RAD51B: variants seen among roughly 807,000 people sequenced by gnomAD.
RAD51B encodes the protein DNA repair protein RAD51 homolog 2.
A neutral mutation model predicts 42.2 loss-of-function variants in RAD51B; 38 were observed. The observed-to-expected ratio is 0.90, with a 90% CI of 0.70 to 1.18. The LOEUF (loss-of-function observed/expected upper bound fraction) is 1.18. Among genes scored for constraint, RAD51B ranks in the 50% most tolerant of loss-of-function variants. The pLI is 0.00. For synonymous variants in RAD51B, 154 were observed against 145.2 expected, an observed-to-expected ratio of 1.06 and a Z score of -0.43; for missense variants, 373 against 400.7, an observed-to-expected ratio of 0.93 and a Z score of 0.59.
chr14:68,419,751 G>T (rs954710810), intron 9 of RAD51B, among the ~76,000 whole-genome samples: 2 of 152,184 alleles, frequency 1.3e-5, no homozygotes, highest in African/African-American at 4.8e-5. Flanking sequence ...GAGCATGGGA[G>T]CTTTTTGGTT....
Position 68,168,920 on chromosome 14 carries a change from T to C in RAD51B, c.757-122964T>C, listed in dbSNP as rs542016383. On this transcript the variant is annotated intron_variant, in intron 7 of 10. Transcript: ENST00000471583. ...GAACCAGGCTTAGCAAGGCAGGTCA[T>C]GTTCAGCGAGTACATTTCAGACTTC... Among the ~76,000 whole-genome samples, 18 of 152,274 alleles carry C rather than the reference T, an allele frequency of 1.2e-4. 1 individual carries two copies. In the South Asian group the frequency reaches 2.9e-3, roughly 25 times the overall value.
intron 3 of RAD51B, among the ~76,000 whole-genome samples, chr14:67,827,322 T>C (rs1193614969): frequency 6.6e-6 from 1 of 152,236 alleles, no homozygotes. Flanking sequence ...AATTCAACTT[T>C]AATTTCTACT....
chr14:68,482,865 C>T (rs941798699), downstream of RAD51B, among the ~76,000 whole-genome samples: 1 of 152,190 alleles, frequency 6.6e-6, no homozygotes, highest in Admixed American at 6.5e-5. Context: ...TAAGTCAGGA[C>T]ACATTTGGTT....
At position 68,087,850 on chromosome 14, in the gene RAD51B, ATATATATAATTATATAATATATTATT is replaced by A. The variant is rs1292168944; in HGVS notation, c.756+200653_756+200678del. Among the ~76,000 whole-genome samples, 44 of 123,640 alleles carry A rather than the reference ATATATATAATTATATAATATATTATT, an allele frequency of 3.6e-4. No individual in the cohort carries two copies. The East Asian group carries it at 7.9e-3, about 22-fold the overall frequency. The allele number at this position is 123,640 out of a possible 152,430, so 81.1% of individuals were successfully genotyped here. ...TTAAATATTTAATTATATAATTATT[ATATATATAATTATATAATATATTATT>A]TATATAATTATATAATATATTATTT... On this transcript the variant is annotated intron_variant, in intron 7 of 10. Transcript: ENST00000471583.
chr14:68,026,850 G>A (rs1305847353), intron 7 of RAD51B, among the ~76,000 whole-genome samples: 1 of 152,114 alleles, frequency 6.6e-6, no homozygotes, highest in Non-Finnish European at 1.5e-5. Flanking sequence ...TTCACGGTTA[G>A]TATTGATATG....
chr14:68,306,676 T>A (rs1378761275), intron 8 of RAD51B: 1 of 510,406 alleles, frequency 2.0e-6, no homozygotes, highest in Non-Finnish European at 3.9e-6. Flanking sequence ...TACCTAGAGT[T>A]TGTGACAAGT....
chr14:68,673,917 A>G (rs993424770), intron 11 of RAD51B, among the ~76,000 whole-genome samples: 13 of 151,400 alleles, frequency 8.6e-5, no homozygotes, highest in Non-Finnish European at 1.6e-4. Flanking sequence ...GTACACACAC[A>G]TATGTATATG....
At chr14:68,189,487 T>C (rs1238827554) in intron 7 of RAD51B, among the ~76,000 whole-genome samples, 2 of 152,182 alleles carry the variant, frequency 1.3e-5, no homozygotes, top group African/African-American at 4.8e-5. Flanking sequence ...CAATTATAGA[T>C]CAGTGACTAA....
intron 10 of RAD51B, among the ~76,000 whole-genome samples, chr14:68,624,061 C>T (rs1316074497): frequency 6.6e-6 from 1 of 152,182 alleles, no homozygotes; most frequent in African/African-American, 2.4e-5. Flanking sequence ...GGCATTTTCT[C>T]AAGAGAACAA....
At chr14:68,679,798 C>A (rs1893388602) in intron 11 of RAD51B, among the ~76,000 whole-genome samples, 1 of 152,206 alleles carries the variant, frequency 6.6e-6, no homozygotes, top group Admixed American at 6.5e-5. Context: ...TTCAGCTGTA[C>A]CTCAGGCCCC....
intron 7 of RAD51B, among the ~76,000 whole-genome samples, chr14:68,163,653 G>T (rs1232457706): frequency 2.0e-5 from 3 of 152,022 alleles, no homozygotes; most frequent in Non-Finnish European, 4.4e-5. Flanking sequence ...CTATTTACTG[G>T]CTCTGTATCC....
chr14:68,189,446 G>T (rs2079220266), intron 7 of RAD51B, among the ~76,000 whole-genome samples: 1 of 152,106 alleles, frequency 6.6e-6, no homozygotes, highest in Non-Finnish European at 1.5e-5. Context: ...AAAGTTGAGA[G>T]ATTCAACCTA....
At chr14:68,620,349 C>A (rs763726141) in intron 10 of RAD51B, among the ~76,000 whole-genome samples, 7 of 152,134 alleles carry the variant, frequency 4.6e-5, no homozygotes, top group Non-Finnish European at 7.4e-5. Context: ...CTCTGCGTGA[C>A]CCCTTCTGAC....
chr14:68,206,788 CTT>C (rs34642019), intron 7 of RAD51B, among the ~76,000 whole-genome samples: 6,126 of 124,050 alleles, frequency 0.049, 180 homozygotes, highest in African/African-American at 0.13. Flanking sequence ...AACCCCAGTT[CTT>C]TTTTTTTTTT....
chr14:68,160,010 A>G (rs779869139), intron 7 of RAD51B, among the ~76,000 whole-genome samples: 3 of 152,146 alleles, frequency 2.0e-5, no homozygotes, highest in Non-Finnish European at 4.4e-5. Context: ...GGAACTTACA[A>G]TCAAACGGCA....
intron 8 of RAD51B, among the ~76,000 whole-genome samples, chr14:68,409,560 A>G (rs1381638345): frequency 6.6e-6 from 1 of 152,240 alleles, no homozygotes; most frequent in East Asian, 1.9e-4. Flanking sequence ...TAAAAGGAGA[A>G]GCAGAAGAGG....
Position 68,342,950 on chromosome 14 carries a change from A to G in RAD51B, c.853+50970A>G, listed in dbSNP as rs192237687. 8.7e-5 allele frequency among the ~76,000 whole-genome samples: 13 copies of G among 149,514 alleles called. No individual in the cohort carries two copies. The East Asian group carries it at 2.5e-3, about 29-fold the overall frequency. On this transcript the variant is annotated intron_variant, in intron 8 of 10. Transcript: ENST00000471583. ...GGAGTTACCTGCTCCTTATCTTTAA[A>G]GTATATGTAGCCCTTGGTCTCCATT... is the stretch of plus-strand genomic sequence containing the variant.
chr14:68,225,560 A>G (rs892432651), intron 7 of RAD51B, among the ~76,000 whole-genome samples: 6 of 152,208 alleles, frequency 3.9e-5, no homozygotes, highest in Non-Finnish European at 7.3e-5. Flanking sequence ...GCTGGTCCGT[A>G]TTTAGAACCA....
At chr14:68,563,751 G>A (rs959847696) in intron 10 of RAD51B, 1 of 985,310 alleles carries the variant, frequency 1.0e-6, no homozygotes, top group South Asian at 4.7e-5. Flanking sequence ...GTGGGGAGAG[G>A]ACTGTATAAA....
Sources: allele counts gnomAD v4.1 joint callset (sites outside exome capture counted in the v4.1 genomes callset), GRCh38; gene constraint gnomAD v4.1.1; transcripts MANE v1.5; gene names NCBI Gene and HGNC (gene_info 2026-07-23, HGNC 2026-07-21).